The following COQ2 variants were observed in gnomAD, a reference collection of about 807,000 sequenced individuals.
COQ2 encodes 4-hydroxybenzoate polyprenyltransferase, mitochondrial.
In COQ2, 25 loss-of-function variants were observed where a neutral mutation model predicts 35.7. The observed-to-expected ratio is 0.70, with a 90% CI of 0.51 to 0.98. The LOEUF is 0.98. Ranked by LOEUF, COQ2 falls within the 50% of genes least tolerant of loss-of-function variation. The probability of loss-of-function intolerance (pLI) is 0.00; values close to 1 mark genes in which losing one functional copy is unlikely to be tolerated. For missense variants in COQ2, 488 were observed against 473.5 expected (o/e 1.03, Z -0.28); for synonymous variants, 206 against 186.2 (o/e 1.11, Z -0.86).
intron 3 of COQ2, among the ~76,000 whole-genome samples, 170 bp from the exon 4 acceptor site, chr4:83,272,342 G>A (rs1463049041): frequency 6.6e-6 from 1 of 152,172 alleles, no homozygotes; most frequent in Non-Finnish European, 1.5e-5. Flanking sequence ...TATAAAGGAT[G>A]AGTAGAAAAC....
intron 2 of COQ2, among the ~76,000 whole-genome samples, chr4:83,275,509 T>G (rs557458041): frequency 1.1e-4 from 16 of 152,240 alleles, no homozygotes; most frequent in Admixed American, 4.6e-4. Flanking sequence ...CTGGGATATA[T>G]GAAGAAAAAC....
intron 4 of COQ2, 145 bp downstream of exon 4, chr4:83,271,942 T>C (rs1301955021): frequency 1.8e-6 from 1 of 560,796 alleles, no homozygotes; most frequent in Non-Finnish European, 3.2e-6. Context: ...AGCTAACTGC[T>C]CTCCTTTAAA....
intron 1 of COQ2, among the ~76,000 whole-genome samples, chr4:83,280,529 A>G (rs1735295899): frequency 6.6e-6 from 1 of 152,240 alleles, no homozygotes. Context: ...GGTGGCTAAG[A>G]GAAAGGGGGC....
chr4:83,284,581 C>T lies in COQ2; in HGVS notation c.184G>A (p.Ala62Thr). Residue 62 changes from alanine (A) to threonine (T), a missense_variant, in exon 1 of 7, where the codon GCG becomes ACG. Ala to Thr is a moderately conservative substitution (Grantham distance 58, BLOSUM62 0). Coordinates refer to ENST00000647002, the MANE Select transcript of COQ2 (RefSeq NM_001358921.2). The part of the protein sequence containing the change: ...RGRQLSLSAA[A>T]VVDSAPRPLQ... ...GGGCGGGGCGCAGAGTCCACCACCG[C>T]CGCCGCGGACAAACTGAGCTGGCGC... 6.5e-7 allele frequency: 1 copy of T among 1,549,788 alleles called. No homozygotes were observed. The highest frequency in any genetic ancestry group is 8.7e-7 in the Non-Finnish European group (1 of 1,149,210).
At position 83,273,598 on chromosome 4, in the gene COQ2, C is replaced by T. The variant is rs121918231; in HGVS notation, c.440G>A (p.Arg147His). ...YDKKVTRTANRPIAAGDISTF... is the reference protein window; with the variant it reads ...YDKKVTRTANHPIAAGDISTF... Reference sequence around the variant, plus strand: ...TGAAATGTCTCCAGCGGCTATTGGACGATTGGCTGTTCTTGTAACCTTAAA... The same window carrying T: ...TGAAATGTCTCCAGCGGCTATTGGATGATTGGCTGTTCTTGTAACCTTAAA... Residue 147 changes from arginine (R) to histidine (H), a missense_variant, in exon 3 of 7, where the codon CGT (arginine) becomes CAT (histidine). Arg to His is a conservative substitution (Grantham distance 29). Coordinates refer to ENST00000647002, the MANE Select transcript of COQ2 (RefSeq NM_001358921.2). 34 of 1,613,302 alleles carry T rather than the reference C, an allele frequency of 2.1e-5. No individual in the cohort carries two copies. The highest frequency in any genetic ancestry group is 4.0e-5 in the African/African-American group (3 of 74,838).
At chr4:83,273,724 G>C (rs908185966) in intron 2 of COQ2, 107 bp from the exon 3 acceptor site, 2 of 1,064,502 alleles carry the variant, frequency 1.9e-6, no homozygotes, top group South Asian at 1.5e-5. Flanking sequence ...TGAATGAAGA[G>C]AGAAATCAAC....
At chr4:83,281,941 C>T (rs1735334493) in intron 1 of COQ2, among the ~76,000 whole-genome samples, 1 of 152,026 alleles carries the variant, frequency 6.6e-6, no homozygotes. Context: ...GTTCTTTTGT[C>T]CCTACTGATT....
chr4:83,270,800 C>T (rs1735030798), intron 4 of COQ2, among the ~76,000 whole-genome samples: 1 of 152,094 alleles, frequency 6.6e-6, no homozygotes, highest in Admixed American at 6.5e-5. Context: ...GTGTTTTAGT[C>T]ATTTTTATTT....
chr4:83,284,087 C>T (rs1256364720), intron 1 of COQ2: 1 of 985,306 alleles, frequency 1.0e-6, no homozygotes, highest in Admixed American at 6.1e-5. Flanking sequence ...GTGGGCCTTA[C>T]AAGATTGCGG....
Position 83,267,640 on chromosome 4 carries a change from C to A in COQ2, c.897G>T (p.Gln299His), listed in dbSNP as rs1376766215. Residue 299 changes from glutamine (Q) to histidine (H), a missense_variant, in exon 6 of 7, where the codon CAG becomes CAT. Gln to His is a conservative substitution (Grantham distance 24). Transcript: ENST00000647002. ...CCAGGGCAGCGTAGTAGGGAGCAGT[C>A]TGTCCACTGTTCACACCCACTAGGC... is the stretch of plus-strand genomic sequence containing the variant. ...ALSLVGVNSG[Q>H]TAPYYAALGA... 6.3e-7 allele frequency: 1 copy of A among 1,582,844 alleles called. No homozygotes were observed. The highest frequency in any genetic ancestry group is 8.6e-7 in the Non-Finnish European group (1 of 1,164,572).
chr4:83,280,082 G>A (rs114217726), intron 1 of COQ2, among the ~76,000 whole-genome samples: 2,693 of 151,942 alleles, frequency 0.018, 89 homozygotes, highest in African/African-American at 0.062. Flanking sequence ...GTCCCACCTT[G>A]GCCTCCCAAA....
rs6818873 is a variant in COQ2 at position 83,272,419 on chromosome 4, A to G, written c.543-247T>C. Reference sequence around the variant, plus strand: ...ACACATACAGTACTATCATGTATTAAGCACTATTCTAAGTGAATCACACTT... The same window carrying G: ...ACACATACAGTACTATCATGTATTAGGCACTATTCTAAGTGAATCACACTT... On this transcript the variant is annotated intron_variant, in intron 3 of 6. Coordinates refer to ENST00000647002, the MANE Select transcript of COQ2 (RefSeq NM_001358921.2). 0.75 allele frequency among the ~76,000 whole-genome samples: 114,243 copies of G among 152,114 alleles called. 43,132 individuals carry two copies. Among genetic ancestry groups the G allele is most frequent in the East Asian group, 0.85 (4,417 of 5,186 alleles).
chr4:83,279,514 G>A (rs1300207526), intron 1 of COQ2, among the ~76,000 whole-genome samples: 1 of 151,976 alleles, frequency 6.6e-6, no homozygotes, highest in Non-Finnish European at 1.5e-5. Context: ...TTTCTAATGA[G>A]GTTACAAAAT....
chr4:83,272,714 G>C (rs1445015803), intron 3 of COQ2, among the ~76,000 whole-genome samples: 1 of 152,092 alleles, frequency 6.6e-6, no homozygotes, highest in East Asian at 1.9e-4. Context: ...AATAAACTAA[G>C]ATGTCCTAAC....
intron 6 of COQ2, among the ~76,000 whole-genome samples, chr4:83,266,034 G>A (rs1265766127): frequency 6.6e-6 from 1 of 152,150 alleles, no homozygotes; most frequent in East Asian, 1.9e-4. Flanking sequence ...ATATTCAGGT[G>A]TTTAAATATT....
In COQ2 at chr4:83,272,287, T is replaced by C. The variant is rs922814633; in HGVS notation, c.543-115A>G. 2.5e-4 allele frequency: 139 copies of C among 550,824 alleles called. 1 individual carries two copies. Among genetic ancestry groups the C allele is most frequent in the Admixed American group, 4.3e-4 (12 of 27,728 alleles). 34.1% of individuals were successfully genotyped at this position (550,824 alleles called of 1,614,324 possible). ...ATTGGAAAATATATTTTATCTTAAA[T>C]TATATTTTATGTAAGTTATCTTCCT... On this transcript the variant is annotated intron_variant, in intron 3 of 6. Coordinates refer to ENST00000647002, the MANE Select transcript of COQ2 (RefSeq NM_001358921.2).
intron 3 of COQ2, among the ~76,000 whole-genome samples, chr4:83,273,246 CT>C (rs1735091549): frequency 6.6e-6 from 1 of 152,210 alleles, no homozygotes; most frequent in Admixed American, 6.5e-5. Context: ...CCTTGTGTCC[CT>C]TAGGGAATGT....
intron 2 of COQ2, among the ~76,000 whole-genome samples, chr4:83,276,067 T>TATTATATATAATATATA (rs1735169954): frequency 1.4e-4 from 2 of 13,926 alleles, no homozygotes; most frequent in African/African-American, 2.0e-4. Flanking sequence ...ATAATATATA[T>TATTATATATAATATATA]TTTATATATA....
At chr4:83,278,089 A>G (rs1560495415) in intron 2 of COQ2, among the ~76,000 whole-genome samples, 2 of 152,178 alleles carry the variant, frequency 1.3e-5, no homozygotes, top group African/African-American at 2.4e-5. Context: ...TTCAGACTAC[A>G]TAAAAGGTAA....
Sources: allele counts gnomAD v4.1 joint callset (sites outside exome capture counted in the v4.1 genomes callset), GRCh38; gene constraint gnomAD v4.1.1; transcripts MANE v1.5; gene names NCBI Gene and HGNC (gene_info 2026-07-23, HGNC 2026-07-21).